BBS4: variants seen among roughly 807,000 people sequenced by gnomAD.
BBS4 encodes BBSome complex member BBS4.
In BBS4, 58 loss-of-function variants were observed where a neutral mutation model predicts 71.4. The ratio of observed to expected loss-of-function variants is 0.81; its 90% confidence interval spans 0.66 to 1.01. The LOEUF (loss-of-function observed/expected upper bound fraction) is 1.01. BBS4 is among the 50% of genes least tolerant of loss of function. BBS4 has a pLI of 0.00. For missense variants in BBS4, 660 were observed against 607.9 expected, an observed-to-expected ratio of 1.09 and a Z score of -0.90; for synonymous variants, 228 against 216.8, an observed-to-expected ratio of 1.05 and a Z score of -0.46.
In BBS4 at chr15:72,688,851, C is replaced by T. The variant is rs1177131483; in HGVS notation, c.24+2600C>T. On this transcript the variant is annotated intron_variant, in intron 1 of 15. Coordinates refer to ENST00000268057, the MANE Select transcript of BBS4 (RefSeq NM_033028.5). Reference sequence around the variant, plus strand: ...AAAACGCTGGAAGCAAATTAAATGCCCATTAATAGGGTAATTGATGACTTC... The same window carrying T: ...AAAACGCTGGAAGCAAATTAAATGCTCATTAATAGGGTAATTGATGACTTC... 2.0e-5 allele frequency among the ~76,000 whole-genome samples: 3 copies of T among 152,108 alleles called. No individual in the cohort carries two copies. The East Asian group carries it at 5.8e-4, about 29-fold the overall frequency.
chr15:72,712,651 T>A (rs1048064259), intron 4 of BBS4, among the ~76,000 whole-genome samples: 2 of 152,178 alleles, frequency 1.3e-5, no homozygotes, highest in African/African-American at 4.8e-5. Flanking sequence ...TGTAAAAATA[T>A]GGTATAAAAG....
intron 6 of BBS4, 21 bp from the exon 7 acceptor site, chr15:72,722,773 C>T: frequency 1.2e-6 from 2 of 1,611,610 alleles, no homozygotes; most frequent in Non-Finnish European, 1.7e-6. Flanking sequence ...GAGTTGTTTT[C>T]CTTCTTTTTT....
intron 2 of BBS4, among the ~76,000 whole-genome samples, chr15:72,708,856 A>G (rs935420144): frequency 2.0e-5 from 3 of 152,104 alleles, no homozygotes; most frequent in African/African-American, 4.8e-5. Flanking sequence ...TAGGGTGGGG[A>G]AAAAACCCCA....
At position 72,728,315 on chromosome 15, in the gene BBS4, T is replaced by C. The variant is rs552098173; in HGVS notation, c.642+321T>C. On this transcript the variant is annotated intron_variant, in intron 9 of 15. Coordinates refer to ENST00000268057, the MANE Select transcript of BBS4 (RefSeq NM_033028.5). ...GAGTTGGAGACCAGCCTGGGTAACATAGTGAGACCCTGTCTCTACAAAAAA... is the reference window on the plus strand; with the variant it reads ...GAGTTGGAGACCAGCCTGGGTAACACAGTGAGACCCTGTCTCTACAAAAAA... 2.6e-5 allele frequency among the ~76,000 whole-genome samples: 4 copies of C among 152,102 alleles called. No homozygotes were observed. The East Asian group carries it at 7.7e-4, about 29-fold the overall frequency.
intron 9 of BBS4, among the ~76,000 whole-genome samples, chr15:72,729,377 A>G (rs1007606210): frequency 1.3e-5 from 2 of 151,390 alleles, no homozygotes. Context: ...CAGCCTCCCA[A>G]GTAGCTGGGA....
intron 1 of BBS4, among the ~76,000 whole-genome samples, chr15:72,690,056 C>T (rs2064957007): frequency 6.6e-6 from 1 of 151,948 alleles, no homozygotes; most frequent in Non-Finnish European, 1.5e-5. Context: ...GTGATCCGCC[C>T]GACTCAGCCT....
At chr15:72,689,864 G>T (rs1378150866) in intron 1 of BBS4, among the ~76,000 whole-genome samples, 3 of 151,698 alleles carry the variant, frequency 2.0e-5, no homozygotes, top group Non-Finnish European at 2.9e-5. Context: ...AGGCTGGAGC[G>T]CAGTGGCGCG....
rs1567437712 is a variant in BBS4, at chr15:72,738,309, A to G, written c.*722A>G. On this transcript the variant is annotated 3_prime_UTR_variant, in exon 16 of 16. Coordinates refer to ENST00000268057, the MANE Select transcript of BBS4 (RefSeq NM_033028.5). The stretch of plus-strand genomic sequence containing the variant: ...AAAGAAAAAAGGAAGAGTTTCTTAG[A>G]TGAGTAATTGTTATTGAAGATAGTC... 1 of 454,126 alleles carries G rather than the reference A, an allele frequency of 2.2e-6. No homozygotes were observed. The highest frequency in any genetic ancestry group is 1.6e-5 in the South Asian group (1 of 64,466). 28.1% of individuals were successfully genotyped at this position (454,126 alleles called of 1,614,324 possible).
chr15:72,695,591 T>A (rs909047197), intron 2 of BBS4, among the ~76,000 whole-genome samples: 1 of 152,212 alleles, frequency 6.6e-6, no homozygotes, highest in Non-Finnish European at 1.5e-5. Context: ...CTGGCCAGAT[T>A]TCTCTCTCTT....
chr15:72,694,908 C>T (rs2065047901), intron 1 of BBS4, among the ~76,000 whole-genome samples: 2 of 152,080 alleles, frequency 1.3e-5, no homozygotes, highest in African/African-American at 4.8e-5. Flanking sequence ...TTCTTATGCA[C>T]ATTTTACTAT....
chr15:72,707,636 G>A (rs1251305233), intron 2 of BBS4, among the ~76,000 whole-genome samples: 2 of 152,150 alleles, frequency 1.3e-5, no homozygotes, highest in Non-Finnish European at 2.9e-5. Context: ...TTAAAGAGTT[G>A]AAGTCTCCTT....
intron 7 of BBS4, 93 bp from the exon 8 acceptor site, chr15:72,724,435 A>G (rs918896502): frequency 5.7e-6 from 9 of 1,570,738 alleles, no homozygotes; most frequent in African/African-American, 1.4e-5. Context: ...TCCTATGTCA[A>G]TACAGCAGAA....
chr15:72,714,470 C>T (rs1022814667), intron 4 of BBS4, among the ~76,000 whole-genome samples: 8 of 152,156 alleles, frequency 5.3e-5, no homozygotes, highest in Admixed American at 1.3e-4. Flanking sequence ...AGGTGATCCA[C>T]CTGCCTTGGC....
intron 2 of BBS4, among the ~76,000 whole-genome samples, chr15:72,705,640 T>TGGA (rs1354895916): frequency 7.5e-6 from 1 of 133,316 alleles, no homozygotes; most frequent in Non-Finnish European, 1.6e-5. Context: ...TCACCCAGGT[T>TGGA]GGAGTGCAGT....
At chr15:72,722,727 T>C in intron 6 of BBS4, 67 bp from the exon 7 acceptor site, 1 of 1,421,676 alleles carries the variant, frequency 7.0e-7, no homozygotes, top group Non-Finnish European at 9.9e-7. Context: ...TAGATGTCTG[T>C]TGTTTCACTC....
intron 7 of BBS4, 41 bp downstream of exon 7, chr15:72,722,888 C>A: frequency 6.4e-7 from 1 of 1,560,722 alleles, no homozygotes; most frequent in Non-Finnish European, 8.8e-7. Context: ...TGAGGGTGCA[C>A]TTGTTGCAGA....
chr15:72,694,380 G>A lies in BBS4; in HGVS notation c.25-797G>A, dbSNP rs147910674. The stretch of plus-strand genomic sequence containing the variant: ...TAATTTTTGTATATTTAGTAGAGAC[G>A]GGGTTTCACCATGTTGTCCAGGCTG... On this transcript the variant is annotated intron_variant, in intron 1 of 15. Transcript: ENST00000268057. Among the ~76,000 whole-genome samples the A allele has an allele frequency of 3.4e-3, 521 of 152,032 alleles. 3 individuals carry two copies. The highest frequency in any genetic ancestry group is 6.8e-3 in the Middle Eastern group (2 of 294).
At chr15:72,729,313 T>A (rs1567427216) in intron 9 of BBS4, among the ~76,000 whole-genome samples, 1 of 149,958 alleles carries the variant, frequency 6.7e-6, no homozygotes, top group Non-Finnish European at 1.5e-5. Context: ...TGCAATGGCG[T>A]GATCTCGGCT....
chr15:72,728,013 T>C lies in BBS4; in HGVS notation c.642+19T>C. 1 of 1,582,020 alleles carries C rather than the reference T, an allele frequency of 6.3e-7. No individual in the cohort carries two copies. The highest frequency in any genetic ancestry group is 8.7e-7 in the Non-Finnish European group (1 of 1,150,806). On this transcript the variant is annotated intron_variant, in intron 9 of 15. Coordinates refer to ENST00000268057, the MANE Select transcript of BBS4 (RefSeq NM_033028.5). The stretch of plus-strand genomic sequence containing the variant: ...CTTACAGGTAATGAAAACTCTGTAC[T>C]CATTCATGCACTGATGTTAGAAATG...
Sources: gnomAD v4.1 joint callset for allele counts (sites outside exome capture counted in the v4.1 genomes callset) on GRCh38, gnomAD v4.1.1 for gene constraint, MANE v1.5 for transcripts, NCBI Gene and HGNC (gene_info 2026-07-23, HGNC 2026-07-21) for gene names.